ATL1: variants seen among roughly 807,000 people sequenced by gnomAD.
ATL1 encodes the protein atlastin-1.
A neutral mutation model predicts 75.5 loss-of-function variants in ATL1; 31 were observed. The observed-to-expected ratio is 0.41, with a 90% CI of 0.31 to 0.55. The LOEUF is 0.55. ATL1 is among the 20% of genes least tolerant of loss of function. The pLI is 0.27. For missense variants in ATL1, 405 were observed against 662.6 expected, an observed-to-expected ratio of 0.61 and a Z score of 4.27; for synonymous variants, 226 against 233.3, an observed-to-expected ratio of 0.97 and a Z score of 0.28.
At chr14:50,541,123 G>A (rs577110040) in intron 1 of ATL1, among the ~76,000 whole-genome samples, 27 of 152,218 alleles carry the variant, frequency 1.8e-4, no homozygotes, top group East Asian at 7.7e-4. Flanking sequence ...TTCAATTCCC[G>A]TCAGCAAAAA....
chr14:50,600,717 A>T (rs953447492), intron 6 of ATL1, among the ~76,000 whole-genome samples: 1 of 152,156 alleles, frequency 6.6e-6, no homozygotes, highest in Non-Finnish European at 1.5e-5. Flanking sequence ...TAACAGCTTT[A>T]TTCATTTGGG....
At chr14:50,537,418 G>A (rs1324504338) in intron 1 of ATL1, among the ~76,000 whole-genome samples, 9 of 152,216 alleles carry the variant, frequency 5.9e-5, no homozygotes, top group Non-Finnish European at 8.8e-5. Context: ...AGGGTGGTGC[G>A]AAAGGGAAAT....
chr14:50,537,336 A>T (rs867538043), intron 1 of ATL1, among the ~76,000 whole-genome samples: 4 of 152,216 alleles, frequency 2.6e-5, no homozygotes, highest in Admixed American at 1.3e-4. Context: ...ATTTCAGATG[A>T]TGTATGGAAA....
intron 1 of ATL1, among the ~76,000 whole-genome samples, chr14:50,578,575 A>G (rs921153754): frequency 6.6e-6 from 1 of 152,110 alleles, no homozygotes; most frequent in Non-Finnish European, 1.5e-5. Flanking sequence ...ATTCTTAAAC[A>G]TGCCAAACAC....
At chr14:50,599,509 A>G (rs560888764) in intron 6 of ATL1, among the ~76,000 whole-genome samples, 1 of 152,198 alleles carries the variant, frequency 6.6e-6, no homozygotes, top group South Asian at 2.1e-4. Flanking sequence ...CAGAGGAAAT[A>G]TATAAGGATA....
chr14:50,552,954 A>G (rs2038721091), intron 1 of ATL1, among the ~76,000 whole-genome samples: 1 of 152,200 alleles, frequency 6.6e-6, no homozygotes, highest in Non-Finnish European at 1.5e-5. Context: ...GGCTTAGGCA[A>G]AGAATTCATG....
At chr14:50,573,097 A>T (rs566028829) in intron 1 of ATL1, among the ~76,000 whole-genome samples, 1 of 152,308 alleles carries the variant, frequency 6.6e-6, no homozygotes, top group African/African-American at 2.4e-5. Context: ...CCATGATCTA[A>T]TCACCTCCCA....
intron 1 of ATL1, among the ~76,000 whole-genome samples, chr14:50,576,945 C>G (rs532262635): frequency 6.6e-6 from 1 of 151,922 alleles, no homozygotes; most frequent in African/African-American, 2.4e-5. Flanking sequence ...GAGTCGAGTA[C>G]ATAATATTTG....
At chr14:50,542,970 A>T (rs1189125157) in intron 1 of ATL1, among the ~76,000 whole-genome samples, 2 of 152,218 alleles carry the variant, frequency 1.3e-5, no homozygotes, top group African/African-American at 4.8e-5. Flanking sequence ...AAGATTTGAG[A>T]TAAGGAAGTC....
At chr14:50,538,078 C>A (rs970296872) in intron 1 of ATL1, among the ~76,000 whole-genome samples, 5 of 152,080 alleles carry the variant, frequency 3.3e-5, no homozygotes, top group African/African-American at 1.2e-4. Context: ...ATCTTGAATT[C>A]CCACGTGAGA....
Position 50,628,453 on chromosome 14 carries a change from G to A in ATL1, c.1542G>A (p.Leu514=), listed in dbSNP as rs765171869. Residue 514 remains leucine, a synonymous_variant, in exon 12 of 14, where the codon CTG becomes CTA. Coordinates refer to ENST00000358385, the MANE Select transcript of ATL1 (RefSeq NM_015915.5). ...GAVIDQVAAA[L]WDQGSTNEAL... is the part of the protein sequence containing the mutation. Reference sequence around the variant, plus strand: ...TAATAGACCAGGTGGCTGCAGCTCTGTGGGACCAGGTAAGAACACCTTTAA... The same window carrying A: ...TAATAGACCAGGTGGCTGCAGCTCTATGGGACCAGGTAAGAACACCTTTAA... The A allele has an allele frequency of 2.7e-5, 43 of 1,613,886 alleles. No homozygotes were observed. The highest frequency in any genetic ancestry group is 3.3e-5 in the Non-Finnish European group (39 of 1,179,982).
intron 1 of ATL1, chr14:50,560,609 T>C: frequency 2.4e-6 from 1 of 421,580 alleles, no homozygotes. Context: ...TCCGGGGACT[T>C]GTGGGTTCCG....
At chr14:50,578,733 A>G (rs965497250) in intron 1 of ATL1, among the ~76,000 whole-genome samples, 5 of 152,218 alleles carry the variant, frequency 3.3e-5, no homozygotes, top group African/African-American at 1.2e-4. Flanking sequence ...ATGAACCATA[A>G]TTTATTAATC....
intron 6 of ATL1, among the ~76,000 whole-genome samples, chr14:50,610,580 A>G (rs1360589180): frequency 6.6e-6 from 1 of 152,154 alleles, no homozygotes; most frequent in East Asian, 1.9e-4. Context: ...GATGTAGTGA[A>G]TCCAATTAAA....
intron 6 of ATL1, among the ~76,000 whole-genome samples, chr14:50,598,884 CA>C (rs1217512089): frequency 7.0e-6 from 1 of 143,662 alleles, no homozygotes; most frequent in African/African-American, 2.5e-5. Context: ...TTTGGAAAAA[CA>C]AGTTCACTAT....
intron 6 of ATL1, among the ~76,000 whole-genome samples, chr14:50,599,193 A>G (rs2039248832): frequency 6.6e-6 from 1 of 152,206 alleles, no homozygotes; most frequent in Admixed American, 6.5e-5. Flanking sequence ...AAAGATTACT[A>G]AGCAGAACAT....
chr14:50,566,811 C>T (rs552985508), intron 1 of ATL1, among the ~76,000 whole-genome samples: 9 of 152,146 alleles, frequency 5.9e-5, no homozygotes, highest in Non-Finnish European at 1.0e-4. Context: ...TGTATTTAAA[C>T]GTAGTCCATT....
At chr14:50,572,996 G>A (rs529567996) in intron 1 of ATL1, among the ~76,000 whole-genome samples, 59 of 152,210 alleles carry the variant, frequency 3.9e-4, no homozygotes, top group African/African-American at 1.2e-3. Flanking sequence ...AGAGAGAAGC[G>A]CAGAGCTAAT....
chr14:50,621,774 C>A, intron 9 of ATL1, 69 bp from the exon 10 acceptor site: 1 of 959,576 alleles, frequency 1.0e-6, no homozygotes, highest in Non-Finnish European at 1.6e-6. Flanking sequence ...ACTTAGAATG[C>A]AATTTCATAG....
Sources: allele counts gnomAD v4.1 joint callset (sites outside exome capture counted in the v4.1 genomes callset), GRCh38; gene constraint gnomAD v4.1.1; transcripts MANE v1.5; gene names NCBI Gene and HGNC (gene_info 2026-07-23, HGNC 2026-07-21).